SEMA5A: variants seen among roughly 807,000 people sequenced by gnomAD.
The protein encoded by SEMA5A is semaphorin 5A.
Under a neutral mutation model 135.5 loss-of-function variants are expected in SEMA5A, and 55 were observed. The observed-to-expected ratio is 0.41, with a 90% CI of 0.33 to 0.51. The LOEUF is 0.51. Among genes scored for constraint, SEMA5A ranks in the 20% least tolerant of loss-of-function variants. The pLI is 0.37. For synonymous variants in SEMA5A, 580 were observed against 546.5 expected, an observed-to-expected ratio of 1.06 and a Z score of -0.85; for missense variants, 1,290 against 1,419.9, an observed-to-expected ratio of 0.91 and a Z score of 1.47.
At chr5:9,251,704 A>G (rs1339734592) in intron 5 of SEMA5A, among the ~76,000 whole-genome samples, 3 of 152,204 alleles carry the variant, frequency 2.0e-5, no homozygotes, top group Non-Finnish European at 4.4e-5. Flanking sequence ...GAATCCTGGA[A>G]TCAGACAATG....
rs1261138529 is a variant in SEMA5A, at chr5:9,040,982, T to A, written c.*1915A>T. 2 of 152,152 alleles carry A rather than the reference T, an allele frequency of 1.3e-5. No homozygotes were observed. Among genetic ancestry groups the A allele is most frequent in the African/African-American group, 2.4e-5 (1 of 41,428 alleles). The allele number at this position is 152,152 out of a possible 1,614,324, so 9.4% of individuals were successfully genotyped here. On this transcript the variant is annotated 3_prime_UTR_variant, in exon 23 of 23. Coordinates refer to ENST00000382496, the MANE Select transcript of SEMA5A (RefSeq NM_003966.3). ...AATTGGAGAACCATCCGGCTAGATT[T>A]CCCCTACTGAGTATGGACTTTGAGC...
chr5:9,110,933 T>C (rs1314252313), intron 15 of SEMA5A, among the ~76,000 whole-genome samples: 1 of 152,134 alleles, frequency 6.6e-6, no homozygotes, highest in East Asian at 1.9e-4. Context: ...TCATGGCCTC[T>C]AGATAGGAGA....
At chr5:9,264,534 G>A (rs977610477) in intron 5 of SEMA5A, among the ~76,000 whole-genome samples, 18 of 152,218 alleles carry the variant, frequency 1.2e-4, no homozygotes, top group African/African-American at 4.1e-4. Context: ...AATGAAGGCA[G>A]AACTGATGTC....
intron 19 of SEMA5A, 57 bp downstream of exon 19, chr5:9,054,030 A>G: frequency 6.5e-7 from 1 of 1,538,180 alleles, no homozygotes; most frequent in Non-Finnish European, 8.7e-7. Flanking sequence ...CCATTTATCC[A>G]TTAAGGAAAG....
chr5:9,258,554 G>C (rs1164246382), intron 5 of SEMA5A, among the ~76,000 whole-genome samples: 1 of 152,112 alleles, frequency 6.6e-6, no homozygotes, highest in Non-Finnish European at 1.5e-5. Flanking sequence ...TCACCCTTAG[G>C]TTATCCAGGG....
intron 2 of SEMA5A, among the ~76,000 whole-genome samples, chr5:9,423,593 A>ATG (rs1273473610): frequency 5.3e-5 from 8 of 152,362 alleles, no homozygotes; most frequent in African/African-American, 1.9e-4. Context: ...CTTATGCTTT[A>ATG]CATTAATAGG....
chr5:9,108,034 A>C lies in SEMA5A; in HGVS notation c.2073+106T>G. 3 of 1,392,706 alleles carry C rather than the reference A, an allele frequency of 2.2e-6. No individual in the cohort carries two copies. The South Asian group carries it at 4.2e-5, about 20-fold the overall frequency. The allele number at this position is 1,392,706 out of a possible 1,614,324, so 86.3% of individuals were successfully genotyped here. On this transcript the variant is annotated intron_variant, in intron 16 of 22. Transcript: ENST00000382496. ...GCAGAGCCTCTAGTGTGTGCAGAACATTTATTGTTTGCAGAACATCTAGTG... is the reference window on the plus strand; with the variant it reads ...GCAGAGCCTCTAGTGTGTGCAGAACCTTTATTGTTTGCAGAACATCTAGTG...
At chr5:9,418,994 A>G (rs993168155) in intron 2 of SEMA5A, among the ~76,000 whole-genome samples, 22 of 152,184 alleles carry the variant, frequency 1.4e-4, no homozygotes, top group Admixed American at 1.3e-3. Context: ...CTTCTTGATG[A>G]AAGTGTCTTG....
intron 2 of SEMA5A, among the ~76,000 whole-genome samples, chr5:9,392,472 AG>A (rs1056317819): frequency 3.3e-5 from 5 of 152,130 alleles, no homozygotes; most frequent in Non-Finnish European, 7.4e-5. Flanking sequence ...AGGTAAATTG[AG>A]GGGGGGAAGC....
chr5:9,408,942 C>T (rs989305066), intron 2 of SEMA5A, among the ~76,000 whole-genome samples: 8 of 152,080 alleles, frequency 5.3e-5, no homozygotes, highest in Non-Finnish European at 1.0e-4. Flanking sequence ...TCTGAGAGCA[C>T]GTTGAAGAAA....
intron 1 of SEMA5A, among the ~76,000 whole-genome samples, chr5:9,468,007 C>T (rs1002457117): frequency 1.3e-5 from 2 of 152,130 alleles, no homozygotes; most frequent in African/African-American, 4.8e-5. Context: ...TTATGTGGAG[C>T]ACAGAGAGCT....
rs866551700 is a variant in SEMA5A, at chr5:9,353,259, G to A, written c.125-15447C>T. On this transcript the variant is annotated intron_variant, in intron 3 of 22. Transcript: ENST00000382496. The stretch of plus-strand genomic sequence containing the variant: ...AGGAAGGAAAGGGAAGGGAAGGGAA[G>A]GGAAGCAAAGGAAAGGAAAGGAAAG... Among the ~76,000 whole-genome samples the A allele has an allele frequency of 3.5e-5, 5 of 142,240 alleles. No homozygotes were observed. In the Admixed American group the frequency reaches 3.6e-4, roughly 10 times the overall value. 93.3% of individuals were successfully genotyped at this position (142,240 alleles called of 152,430 possible). A position where few individuals can be genotyped will look rare whatever the true frequency, so the allele number is the denominator to read the frequency against.
At chr5:9,220,378 A>AC (rs1746869982) in intron 8 of SEMA5A, among the ~76,000 whole-genome samples, 1 of 151,880 alleles carries the variant, frequency 6.6e-6, no homozygotes, top group African/African-American at 2.4e-5. Flanking sequence ...AAAAACAACA[A>AC]AAAAACTTCA....
intron 5 of SEMA5A, among the ~76,000 whole-genome samples, chr5:9,268,645 T>A (rs1205557828): frequency 6.6e-6 from 1 of 152,136 alleles, no homozygotes; most frequent in Non-Finnish European, 1.5e-5. Context: ...AAATATTGAA[T>A]CCATAAGTGA....
At chr5:9,308,402 G>A (rs897123248) in intron 5 of SEMA5A, among the ~76,000 whole-genome samples, 2 of 152,096 alleles carry the variant, frequency 1.3e-5, no homozygotes, top group Non-Finnish European at 2.9e-5. Context: ...GATTAACAGC[G>A]GTTCTATATA....
chr5:9,061,411 G>C (rs531314348), intron 18 of SEMA5A, among the ~76,000 whole-genome samples: 2 of 151,948 alleles, frequency 1.3e-5, no homozygotes, highest in Non-Finnish European at 2.9e-5. Flanking sequence ...TGCCATGAGT[G>C]AGACCAGGCC....
At chr5:9,096,490 T>C (rs1187313971) in intron 16 of SEMA5A, among the ~76,000 whole-genome samples, 1 of 152,116 alleles carries the variant, frequency 6.6e-6, no homozygotes, top group Non-Finnish European at 1.5e-5. Context: ...GCATAATGTG[T>C]GCCACATCCA....
intron 1 of SEMA5A, among the ~76,000 whole-genome samples, chr5:9,482,987 A>C (rs1275280402): frequency 2.0e-5 from 3 of 152,236 alleles, no homozygotes; most frequent in Non-Finnish European, 4.4e-5. Flanking sequence ...TTAAATTCAA[A>C]CATCAAAGGA....
At chr5:9,274,058 A>C (rs1175360350) in intron 5 of SEMA5A, among the ~76,000 whole-genome samples, 14 of 152,096 alleles carry the variant, frequency 9.2e-5, no homozygotes, top group Non-Finnish European at 1.8e-4. Flanking sequence ...TTGGATAAAG[A>C]GTCAAGACCC....
Sources: allele counts gnomAD v4.1 joint callset (sites outside exome capture counted in the v4.1 genomes callset), GRCh38; gene constraint gnomAD v4.1.1; transcripts MANE v1.5; gene names NCBI Gene and HGNC (gene_info 2026-07-23, HGNC 2026-07-21).